Variants in CPNE4 observed in about 807,000 individuals in gnomAD.
The protein encoded by CPNE4 is copine 4.
A neutral mutation model predicts 67.9 loss-of-function variants in CPNE4; 25 were observed. That is an observed-to-expected ratio of 0.37 (90% CI 0.27 to 0.51). The LOEUF (loss-of-function observed/expected upper bound fraction) is 0.51. CPNE4 is among the 20% of genes least tolerant of loss of function. The probability of loss-of-function intolerance (pLI) is 0.93; values close to 1 mark genes in which losing one functional copy is unlikely to be tolerated. For missense variants in CPNE4, 464 were observed against 690.8 expected (o/e 0.67, Z 3.68); for synonymous variants, 242 against 244.9 (o/e 0.99, Z 0.11).
intron 2 of CPNE4, among the ~76,000 whole-genome samples, chr3:131,832,332 A>C (rs1308166418): frequency 6.6e-6 from 1 of 152,174 alleles, no homozygotes; most frequent in Non-Finnish European, 1.5e-5. Flanking sequence ...TCTTCAAGAT[A>C]ATAGAAGAGT....
intron 5 of CPNE4, 71 bp downstream of exon 5, chr3:131,696,471 G>C (rs958752440): frequency 1.9e-5 from 27 of 1,408,312 alleles, no homozygotes; most frequent in Non-Finnish European, 2.6e-5. Flanking sequence ...AATAGTTGCA[G>C]GGGGAAATCT....
chr3:131,698,839 G>A (rs2081223950), intron 4 of CPNE4, among the ~76,000 whole-genome samples: 1 of 150,380 alleles, frequency 6.6e-6, no homozygotes. Flanking sequence ...GAACCCAGGA[G>A]GTGGAGGTTG....
At chr3:131,872,009 C>CA (rs1311536088) in intron 2 of CPNE4, among the ~76,000 whole-genome samples, 1 of 152,136 alleles carries the variant, frequency 6.6e-6, no homozygotes, top group Non-Finnish European at 1.5e-5. Flanking sequence ...ATGACACTGA[C>CA]ACGTCTCCAT....
At chr3:131,932,547 G>A (rs567122098) in intron 1 of CPNE4, among the ~76,000 whole-genome samples, 4 of 152,222 alleles carry the variant, frequency 2.6e-5, no homozygotes, top group African/African-American at 9.6e-5. Context: ...ACAGCATGAT[G>A]AAATATTATA....
intron 1 of CPNE4, among the ~76,000 whole-genome samples, chr3:132,018,882 C>T (rs901833478): frequency 6.6e-6 from 1 of 152,176 alleles, no homozygotes; most frequent in African/African-American, 2.4e-5. Context: ...TATAGCACTG[C>T]TGGGACCTGA....
At position 131,728,899 on chromosome 3, in the gene CPNE4, C is replaced by CAAAA. The variant is rs34269107; in HGVS notation, c.181-5278_181-5275dup. On this transcript the variant is annotated intron_variant, in intron 2 of 15. Transcript: ENST00000429747. ...CACTCCAGCCTGGGCAACAGAGCCT[C>CAAAA]AAAAAAAAAAAAAAAAAAAAAAAAA... Among the ~76,000 whole-genome samples, 17 of 89,962 alleles carry CAAAA rather than the reference C, an allele frequency of 1.9e-4. 1 individual carries two copies. The highest frequency in any genetic ancestry group is 6.1e-4 in the African/African-American group (13 of 21,378). The allele number at this position is 89,962 out of a possible 152,430, so 59.0% of individuals were successfully genotyped here. A position where few individuals can be genotyped will look rare whatever the true frequency, so the allele number is the denominator to read the frequency against.
At chr3:131,971,716 G>C (rs562218928) in intron 1 of CPNE4, among the ~76,000 whole-genome samples, 278 of 152,196 alleles carry the variant, frequency 1.8e-3, no homozygotes, top group Non-Finnish European at 3.3e-3. Context: ...GCAGTCAATG[G>C]GGGACACTGG....
intron 3 of CPNE4, among the ~76,000 whole-genome samples, chr3:131,715,910 A>G (rs918717840): frequency 6.6e-6 from 1 of 152,192 alleles, no homozygotes; most frequent in African/African-American, 2.4e-5. Context: ...TTTGGGCAAC[A>G]GAAATCTAAG....
At chr3:131,627,097 G>A (rs764257265) in intron 7 of CPNE4, among the ~76,000 whole-genome samples, 38 of 150,818 alleles carry the variant, frequency 2.5e-4, no homozygotes, top group Non-Finnish European at 4.4e-4. Flanking sequence ...GGAGACTGAG[G>A]CAGGAGAACT....
At chr3:131,687,745 G>A (rs2080928966) in intron 5 of CPNE4, among the ~76,000 whole-genome samples, 3 of 152,106 alleles carry the variant, frequency 2.0e-5, no homozygotes, top group Admixed American at 6.6e-5. Flanking sequence ...TAAGATATAA[G>A]GACAGATAGA....
At chr3:131,969,489 T>C (rs1431605382) in intron 1 of CPNE4, among the ~76,000 whole-genome samples, 1 of 152,186 alleles carries the variant, frequency 6.6e-6, no homozygotes, top group African/African-American at 2.4e-5. Flanking sequence ...TAAGTATATG[T>C]AAGCCTTTTG....
intron 10 of CPNE4, 125 bp downstream of exon 10, chr3:131,574,946 A>G: frequency 1.3e-6 from 1 of 744,932 alleles, no homozygotes; most frequent in South Asian, 1.6e-5. Flanking sequence ...TTCAACAATG[A>G]GACTTGAACA....
chr3:131,779,176 A>C (rs2083369074), intron 2 of CPNE4, among the ~76,000 whole-genome samples: 1 of 152,094 alleles, frequency 6.6e-6, no homozygotes, highest in Non-Finnish European at 1.5e-5. Flanking sequence ...CTGCTGAAAG[A>C]AATCAGAGAC....
At chr3:131,666,549 A>C (rs1006868293) in intron 7 of CPNE4, among the ~76,000 whole-genome samples, 2 of 152,222 alleles carry the variant, frequency 1.3e-5, no homozygotes, top group African/African-American at 4.8e-5. Flanking sequence ...TCAAGAGCCA[A>C]CTTGAAGAAG....
chr3:131,891,766 T>C (rs1271862381), intron 2 of CPNE4, among the ~76,000 whole-genome samples: 2 of 152,150 alleles, frequency 1.3e-5, no homozygotes, highest in African/African-American at 2.4e-5. Context: ...ATTCTTTTTA[T>C]GGCTGCATCG....
rs575722461 is a variant in CPNE4, at chr3:131,827,633, T to G, written c.180+77631A>C. Among the ~76,000 whole-genome samples, 46 of 152,164 alleles carry G rather than the reference T, an allele frequency of 3.0e-4. 1 individual carries two copies. In the South Asian group the frequency reaches 9.1e-3, roughly 30 times the overall value. On this transcript the variant is annotated intron_variant, in intron 2 of 15. Transcript: ENST00000429747. ...TTTTTACCACAATGGCTGTTATGCT[T>G]TAGAATACTTACTTCCAATCTTGGC...
At chr3:131,830,303 C>T (rs2085316088) in intron 2 of CPNE4, among the ~76,000 whole-genome samples, 1 of 152,154 alleles carries the variant, frequency 6.6e-6, no homozygotes, top group Non-Finnish European at 1.5e-5. Context: ...TCATCTCTTG[C>T]CTGTATTATT....
chr3:131,723,757 TC>T, intron 2 of CPNE4, 132 bp from the exon 3 acceptor site: 1 of 725,612 alleles, frequency 1.4e-6, no homozygotes, highest in East Asian at 2.7e-5. Flanking sequence ...GGGTGGGCAG[TC>T]CAAAAGTACA....
intron 1 of CPNE4, among the ~76,000 whole-genome samples, chr3:132,013,669 AT>A (rs2073824820): frequency 2.0e-5 from 3 of 152,352 alleles, no homozygotes; most frequent in Admixed American, 1.3e-4. Flanking sequence ...AATTGCTAAC[AT>A]TTTGGGAATA....
Sources: allele counts gnomAD v4.1 joint callset (sites outside exome capture counted in the v4.1 genomes callset), GRCh38; gene constraint gnomAD v4.1.1; transcripts MANE v1.5; gene names NCBI Gene and HGNC (gene_info 2026-07-23, HGNC 2026-07-21).